MAGED1: variants seen among roughly 807,000 people sequenced by gnomAD.
MAGED1 encodes MAGE family member D1.
A neutral mutation model predicts 54.1 loss-of-function variants in MAGED1; 3 were observed. That is an observed-to-expected ratio of 0.06 (90% CI 0.03 to 0.14). The LOEUF (loss-of-function observed/expected upper bound fraction) is 0.14. MAGED1 is among the 10% of genes least tolerant of loss of function. The probability of loss-of-function intolerance (pLI) is 1.00; values close to 1 mark genes in which losing one functional copy is unlikely to be tolerated. For missense variants in MAGED1, 485 were observed against 623.4 expected, an observed-to-expected ratio of 0.78 and a Z score of 2.36; for synonymous variants, 217 against 227.3, an observed-to-expected ratio of 0.95 and a Z score of 0.41.
At chrX:51,811,504 C>G (rs148355157) in intron 1 of MAGED1, among the ~76,000 whole-genome samples, 2,366 of 111,424 alleles carry the variant, frequency 0.021, 66 homozygotes, top group African/African-American at 0.075. Context: ...GTGGGAGAAT[C>G]ACTAGGCTTA....
At chrX:51,850,121 A>G (rs1370854022) in intron 1 of MAGED1, among the ~76,000 whole-genome samples, 1 of 110,604 alleles carries the variant, frequency 9.0e-6, no homozygotes, top group Non-Finnish European at 1.9e-5. Context: ...GGGTTTTGCC[A>G]TGTTGGCCAG....
intron 1 of MAGED1, among the ~76,000 whole-genome samples, chrX:51,887,557 A>C (rs1307422380): frequency 9.0e-6 from 1 of 110,646 alleles, no homozygotes; most frequent in Non-Finnish European, 1.9e-5. Flanking sequence ...TTTTCGACAA[A>C]GGTACAAAAA....
intron 1 of MAGED1, among the ~76,000 whole-genome samples, chrX:51,861,279 T>C (rs1557360642): frequency 8.9e-6 from 1 of 111,828 alleles, no homozygotes; most frequent in East Asian, 2.8e-4. Flanking sequence ...TAGCAAGACC[T>C]ATGTATGGCT....
chrX:51,846,319 C>T (rs1195537735), intron 1 of MAGED1, among the ~76,000 whole-genome samples: 2 of 111,328 alleles, frequency 1.8e-5, no homozygotes, highest in African/African-American at 6.5e-5. Flanking sequence ...AGGGAAGATA[C>T]AAGGTTGGAA....
intron 1 of MAGED1, among the ~76,000 whole-genome samples, chrX:51,827,556 G>A (rs1177663402): frequency 8.9e-6 from 1 of 111,802 alleles, no homozygotes; most frequent in Non-Finnish European, 1.9e-5. Flanking sequence ...AGAACGATAT[G>A]TCAATATAGG....
At chrX:51,841,871 A>C (rs1926504885) in intron 1 of MAGED1, among the ~76,000 whole-genome samples, 1 of 111,889 alleles carries the variant, frequency 8.9e-6, no homozygotes, top group South Asian at 3.7e-4. Flanking sequence ...AGGTAGCGTG[A>C]TGCCTCCAGC....
At chrX:51,872,558 T>A (rs1557361679) in intron 1 of MAGED1, among the ~76,000 whole-genome samples, 1 of 112,413 alleles carries the variant, frequency 8.9e-6, no homozygotes, top group Non-Finnish European at 1.9e-5. Flanking sequence ...TTATGTTACA[T>A]TTCTGTTTGA....
chrX:51,815,202 G>A (rs1557355945), intron 1 of MAGED1, among the ~76,000 whole-genome samples: 3 of 110,111 alleles, frequency 2.7e-5, no homozygotes, highest in Non-Finnish European at 3.8e-5. Flanking sequence ...ATTTTTATCA[G>A]TATTTTAAAA....
chrX:51,897,395 G>A, intron 5 of MAGED1, 124 bp downstream of exon 5: 1 of 785,186 alleles, frequency 1.3e-6, no homozygotes, highest in Non-Finnish European at 1.9e-6. Flanking sequence ...TCTTCTGCTT[G>A]TATGACCCTT....
At chrX:51,864,577 A>G (rs782096548) in intron 1 of MAGED1, among the ~76,000 whole-genome samples, 1 of 111,708 alleles carries the variant, frequency 9.0e-6, no homozygotes, top group South Asian at 3.8e-4. Context: ...TGATTCTTCC[A>G]ATCCATGAAC....
chrX:51,805,681 A>T (rs1348586511), intron 1 of MAGED1, among the ~76,000 whole-genome samples: 1 of 108,864 alleles, frequency 9.2e-6, no homozygotes, highest in Non-Finnish European at 1.9e-5. Flanking sequence ...TTGAAAGAAG[A>T]GTACAATGAA....
At chrX:51,835,912 A>G (rs1926229830) in intron 1 of MAGED1, among the ~76,000 whole-genome samples, 1 of 111,720 alleles carries the variant, frequency 9.0e-6, no homozygotes, top group African/African-American at 3.3e-5. Flanking sequence ...TTCATACTTC[A>G]AAAAAATTCT....
upstream of MAGED1, among the ~76,000 whole-genome samples, chrX:51,888,815 C>T (rs1928330524): frequency 8.9e-6 from 1 of 112,038 alleles, no homozygotes; most frequent in Non-Finnish European, 1.9e-5. Context: ...ATACACAAGA[C>T]AACTGGGATG....
chrX:51,811,228 C>T (rs1407232968), intron 1 of MAGED1, among the ~76,000 whole-genome samples: 5 of 111,562 alleles, frequency 4.5e-5, no homozygotes, highest in African/African-American at 1.6e-4. Context: ...TCTTCATCTC[C>T]CTTCATTCTT....
intron 1 of MAGED1, among the ~76,000 whole-genome samples, chrX:51,868,921 G>A (rs1051607439): frequency 3.6e-5 from 4 of 111,831 alleles, no homozygotes; most frequent in Admixed American, 9.5e-5. Context: ...CAATGAAAAT[G>A]TGATAATTTG....
At chrX:51,822,568 G>T (rs1557356621) in intron 1 of MAGED1, among the ~76,000 whole-genome samples, 1 of 109,885 alleles carries the variant, frequency 9.1e-6, no homozygotes, top group Non-Finnish European at 1.9e-5. Flanking sequence ...CCTTCTGTTT[G>T]CTTTGAGTTT....
At chrX:51,892,055 T>G (rs1012525484), upstream of MAGED1, among the ~76,000 whole-genome samples, 33 of 112,489 alleles carry the variant, frequency 2.9e-4, no homozygotes, top group African/African-American at 1.1e-3. Context: ...TAGCATTAGC[T>G]TCCTTTCATG....
intron 1 of MAGED1, among the ~76,000 whole-genome samples, chrX:51,819,130 C>G (rs1925534977): frequency 1.8e-5 from 2 of 111,223 alleles, no homozygotes; most frequent in Admixed American, 1.9e-4. Flanking sequence ...TTGTAAGATT[C>G]TGACTCTATT....
chrX:51,865,653 T>A (rs937028609), intron 1 of MAGED1, among the ~76,000 whole-genome samples: 5 of 111,870 alleles, frequency 4.5e-5, no homozygotes, highest in Admixed American at 2.9e-4. Flanking sequence ...GATATAAATC[T>A]TGCACTTAAT....
Sources: allele counts gnomAD v4.1 joint callset (sites outside exome capture counted in the v4.1 genomes callset), GRCh38; gene constraint gnomAD v4.1.1; transcripts MANE v1.5; gene names NCBI Gene and HGNC (gene_info 2026-07-23, HGNC 2026-07-21).